Variants in ZNF222 observed in about 807,000 individuals in gnomAD.
The protein encoded by ZNF222 is zinc finger protein 222.
In ZNF222, 8 loss-of-function variants were observed where a neutral mutation model predicts 11.6. The ratio of observed to expected loss-of-function variants is 0.69; its 90% CI spans 0.41 to 1.25. ZNF222 has a LOEUF of 1.25. Ranked by LOEUF, ZNF222 falls within the 50% of genes most tolerant of loss-of-function variation. ZNF222 has a pLI of 0.01. For missense variants in ZNF222, 483 were observed against 576.1 expected (o/e 0.84, Z 1.65); for synonymous variants, 171 against 195.6 (o/e 0.87, Z 1.05).
In ZNF222 at chr19:44,033,072, T is replaced by C; in HGVS notation, c.*42T>C. 2 of 1,423,066 alleles carry C rather than the reference T, an allele frequency of 1.4e-6. No individual in the cohort carries two copies. The highest frequency in any genetic ancestry group is 1.9e-6 in the Non-Finnish European group (2 of 1,076,436). The allele number at this position is 1,423,066 out of a possible 1,614,324, so 88.2% of individuals were successfully genotyped here. On this transcript the variant is annotated 3_prime_UTR_variant, in exon 4 of 4. Transcript: ENST00000391960. ...GAGTGTGAAATTTGATACATGTATA[T>C]AATGTGTGCTGATTAAATCAGTTTA...
At chr19:44,028,764 T>C (rs1432720822) in intron 3 of ZNF222, among the ~76,000 whole-genome samples, 1 of 152,248 alleles carries the variant, frequency 6.6e-6, no homozygotes, top group Admixed American at 6.5e-5. Flanking sequence ...AGGACTTGAC[T>C]GTCTGTAAGA....
In ZNF222 at chr19:44,027,459, G is replaced by C. The variant is rs986917636; in HGVS notation, c.231G>C (p.Met77Ile). Residue 77 changes from methionine (M) to isoleucine (I), a missense_variant, in exon 3 of 4, where the codon ATG (methionine) becomes ATC (isoleucine). Met to Ile is a conservative substitution (Grantham distance 10, BLOSUM62 1). Coordinates refer to ENST00000391960, the MANE Select transcript of ZNF222 (RefSeq NM_001129996.2). ...HFLREEKFWVMGTTSQREGNL... is the reference protein window; with the variant it reads ...HFLREEKFWVIGTTSQREGNL... ...TAAGGGAAGAAAAGTTTTGGGTGAT[G>C]GGGACAACAAGCCAAAGAGAAGGGA... 6.2e-6 allele frequency: 10 copies of C among 1,613,954 alleles called. No homozygotes were observed. The highest frequency in any genetic ancestry group is 7.6e-6 in the Non-Finnish European group (9 of 1,179,996).
At chr19:44,031,533 A>G (rs1008067788) in intron 3 of ZNF222, among the ~76,000 whole-genome samples, 1 of 152,082 alleles carries the variant, frequency 6.6e-6, no homozygotes, top group Non-Finnish European at 1.5e-5. Flanking sequence ...CCCAGGCTGG[A>G]GTGCAATGGC....
chr19:44,027,089 G>A lies in ZNF222; in HGVS notation c.109G>A (p.Ala37Thr), dbSNP rs769496578. Residue 37 changes from alanine (A) to threonine (T), a missense_variant, in exon 2 of 4, where the codon GCC (alanine) becomes ACC (threonine). By Grantham distance (58) the Ala-to-Thr change is moderately conservative. Transcript: ENST00000391960. ...TEEELGLLDPAQRKLYRDVML... is the reference protein window; with the variant it reads ...TEEELGLLDPTQRKLYRDVML... ...GGAGGAGCTGGGGCTGCTGGACCCTGCCCAGAGGAAGCTGTACCGAGATGT... is the reference window on the plus strand; with the variant it reads ...GGAGGAGCTGGGGCTGCTGGACCCTACCCAGAGGAAGCTGTACCGAGATGT... 1.9e-6 allele frequency: 3 copies of A among 1,614,060 alleles called. No homozygotes were observed. Among genetic ancestry groups the A allele is most frequent in the East Asian group, 2.2e-5 (1 of 44,874 alleles).
In ZNF222 at chr19:44,032,894, T is replaced by C; in HGVS notation, c.1340T>C (p.Val447Ala). Residue 447 changes from valine to alanine, a missense_variant, in exon 4 of 4, where the codon GTA becomes GCA. Coordinates refer to ENST00000391960, the MANE Select transcript of ZNF222 (RefSeq NM_001129996.2). ...LKCEDCGKRL[V>A]CRSYCKDQQR... ...TGTGAAGACTGTGGAAAGAGGCTTG[T>C]ATGCCGGTCATACTGTAAAGACCAA... The C allele has an allele frequency of 6.2e-7, 1 of 1,613,776 alleles. No homozygotes were observed. The highest frequency in any genetic ancestry group is 8.5e-7 in the Non-Finnish European group (1 of 1,179,980).
Position 44,027,165 on chromosome 19 carries a change from C to T in ZNF222, c.169+16C>T. On this transcript the variant is annotated intron_variant, in intron 2 of 3. Coordinates refer to ENST00000391960, the MANE Select transcript of ZNF222 (RefSeq NM_001129996.2). ...CTCTCAGTGGGTGAGGACGGGCACC[C>T]CCTGTAATGGAATGTCAGGCCCCAG... is the stretch of plus-strand genomic sequence containing the variant. The T allele has an allele frequency of 6.2e-7, 1 of 1,613,394 alleles. No homozygotes were observed.
rs767255278 is a variant in ZNF222, at chr19:44,027,538, C to T, written c.262+48C>T. On this transcript the variant is annotated intron_variant, in intron 3 of 3. Coordinates refer to ENST00000391960, the MANE Select transcript of ZNF222 (RefSeq NM_001129996.2). ...TCCCTGCATGTGATTCCTGTTACTT[C>T]TGTCCATGCCCATTTCCAGCATTTT... 3.2e-6 allele frequency: 5 copies of T among 1,552,142 alleles called. No homozygotes were observed. The South Asian group carries it at 5.6e-5, about 17-fold the overall frequency.
At chr19:44,029,730 A>G (rs1044101898) in intron 3 of ZNF222, among the ~76,000 whole-genome samples, 7 of 152,210 alleles carry the variant, frequency 4.6e-5, no homozygotes, top group Non-Finnish European at 7.3e-5. Flanking sequence ...GTACATACTT[A>G]TCAATTAATA....
chr19:44,026,047 G>T, intron 1 of ZNF222: 1 of 1,613,488 alleles, frequency 6.2e-7, no homozygotes, highest in Non-Finnish European at 8.5e-7. Context: ...TAAAAGAGCT[G>T]CAGGAAGGGA....
Position 44,032,699 on chromosome 19 carries a change from A to C in ZNF222, c.1145A>C (p.Lys382Thr), listed in dbSNP as rs754496439. 2.5e-6 allele frequency: 4 copies of C among 1,614,110 alleles called. No individual in the cohort carries two copies. The East Asian group carries it at 8.9e-5, about 36-fold the overall frequency. ...GTCCACACTGGAGAAAAGCCATACAAATGTGAGGAGTGTGGGAAGGGCTAC... is the reference window on the plus strand; with the variant it reads ...GTCCACACTGGAGAAAAGCCATACACATGTGAGGAGTGTGGGAAGGGCTAC... ...QRVHTGEKPY[K>T]CEECGKGYIS... Residue 382 changes from lysine (K) to threonine (T), a missense_variant, in exon 4 of 4, where the codon AAA becomes ACA. Coordinates refer to ENST00000391960, the MANE Select transcript of ZNF222 (RefSeq NM_001129996.2).
intron 1 of ZNF222, 147 bp from the exon 2 acceptor site, chr19:44,026,876 A>G (rs1334940545): frequency 3.7e-6 from 5 of 1,345,464 alleles, no homozygotes; most frequent in Non-Finnish European, 5.1e-6. Context: ...TCAGGACACA[A>G]ACAGAATAAG....
At chr19:44,029,317 G>A (rs974503078) in intron 3 of ZNF222, among the ~76,000 whole-genome samples, 3 of 148,468 alleles carry the variant, frequency 2.0e-5, no homozygotes, top group African/African-American at 5.0e-5. Context: ...AAACTTTCAA[G>A]CATGGTTTTC....
In ZNF222 at chr19:44,025,885, G is replaced by A. The variant is rs559884345; in HGVS notation, c.42+407G>A. 6.3e-6 allele frequency: 5 copies of A among 796,744 alleles called. No individual in the cohort carries two copies. The highest frequency in any genetic ancestry group is 9.8e-6 in the Non-Finnish European group (5 of 509,778). The allele number at this position is 796,744 out of a possible 1,614,324, so 49.4% of individuals were successfully genotyped here. On this transcript the variant is annotated intron_variant, in intron 1 of 3. Transcript: ENST00000391960. The surrounding 1 kb of genome is among the most constrained non-coding windows in gnomAD (Gnocchi z 4.6). ...TCAGAGCTCCAGCTGCAGGGGCGCC[G>A]GCCCTTCTGCCTGATCCCTGCAGGA...
In ZNF222 at chr19:44,025,415, C is replaced by T. The variant is rs371551161; in HGVS notation, c.-22C>T. 28 of 1,551,512 alleles carry T rather than the reference C, an allele frequency of 1.8e-5. No individual in the cohort carries two copies. The highest frequency in any genetic ancestry group is 4.1e-5 in the African/African-American group (3 of 73,034). On this transcript the variant is annotated 5_prime_UTR_variant, in exon 1 of 4. Coordinates refer to ENST00000391960, the MANE Select transcript of ZNF222 (RefSeq NM_001129996.2). The surrounding 1 kb of genome is among the most constrained non-coding windows in gnomAD (Gnocchi z 4.6). ...GAGTCCTTCCGAACGAGTCTCCTTT[C>T]CTTGGGGCTCGCAACCACCCAATGA...
chr19:44,026,349 C>G (rs977049376), intron 1 of ZNF222, among the ~76,000 whole-genome samples: 1 of 152,018 alleles, frequency 6.6e-6, no homozygotes, highest in African/African-American at 2.4e-5. Context: ...CTGAGTTGAT[C>G]ATCTCTTGAA....
At chr19:44,026,758 A>C (rs983682408) in intron 1 of ZNF222, among the ~76,000 whole-genome samples, 5 of 152,114 alleles carry the variant, frequency 3.3e-5, no homozygotes, top group African/African-American at 7.2e-5. Context: ...GTGGAGTTAG[A>C]GATAGCATCT....
Position 44,027,429 on chromosome 19 carries a change from CT to C in ZNF222, c.203del (p.Phe68SerfsTer2). 6.2e-7 allele frequency: 1 copy of C among 1,614,164 alleles called. No homozygotes were observed. On this transcript the variant is annotated frameshift_variant, in exon 3 of 4. Transcript: ENST00000391960. LOFTEE classifies it high-confidence loss of function. ...AACCATTCCATGGAGATACTTTCCACTTCCTAAGGGAAGAAAAGTTTTGGGT... is the reference window on the plus strand; with the variant it reads ...AACCATTCCATGGAGATACTTTCCACTCCTAAGGGAAGAAAAGTTTTGGGT... The part of the protein sequence containing the change: ...HQPFHGDTFH[F>X]LREEKFWVMG...
Position 44,025,970 on chromosome 19 carries a change from C to T in ZNF222, c.42+492C>T. On this transcript the variant is annotated intron_variant, in intron 1 of 3. Transcript: ENST00000391960. This position sits in a 1 kb window ranked among gnomAD's most constrained non-coding sequence, Gnocchi z 4.6. ...TTAGGAAAGTGAGGGGAGCATTTAA[C>T]TTTTATGGGGGACGGCAAAACGGTC... is the stretch of plus-strand genomic sequence containing the variant. 1.9e-6 allele frequency: 3 copies of T among 1,561,752 alleles called. No homozygotes were observed. Among genetic ancestry groups the T allele is most frequent in the Non-Finnish European group, 2.6e-6 (3 of 1,152,226 alleles).
intron 3 of ZNF222, chr19:44,028,093 G>A: frequency 2.5e-6 from 1 of 399,538 alleles, no homozygotes; most frequent in African/African-American, 2.1e-5. Context: ...ACACTCCGTG[G>A]CTCTTGTTTC....
Sources: allele counts gnomAD v4.1 joint callset (sites outside exome capture counted in the v4.1 genomes callset), GRCh38; gene constraint gnomAD v4.1.1; non-coding constraint Gnocchi (gnomAD v3.1); transcripts MANE v1.5; gene names NCBI Gene and HGNC (gene_info 2026-07-23, HGNC 2026-07-21).